The following KCNK18 variants were observed in gnomAD, a reference collection of about 807,000 sequenced individuals.
KCNK18 encodes the protein potassium two pore domain channel subfamily K member 18.
KCNK18 carries 8 observed loss-of-function variants against 11.8 expected under a neutral mutation model. The observed-to-expected ratio is 0.68, with a 90% CI of 0.40 to 1.22. The LOEUF is 1.22. Among genes scored for constraint, KCNK18 ranks in the 50% most tolerant of loss-of-function variants. The pLI is 0.01. For missense variants in KCNK18, 442 were observed against 465.4 expected, an observed-to-expected ratio of 0.95 and a Z score of 0.46; for synonymous variants, 208 against 185.8, an observed-to-expected ratio of 1.12 and a Z score of -0.97.
intron 1 of KCNK18, among the ~76,000 whole-genome samples, chr10:117,200,313 A>G (rs1854997976): frequency 1.3e-5 from 2 of 152,078 alleles, no homozygotes; most frequent in African/African-American, 2.4e-5. Context: ...CCTGACCTCA[A>G]ATGATCCGCC....
At chr10:117,208,039 G>A (rs1026013853) in intron 2 of KCNK18, among the ~76,000 whole-genome samples, 5 of 152,236 alleles carry the variant, frequency 3.3e-5, no homozygotes, top group East Asian at 1.9e-4. Flanking sequence ...AGGGGCTCCC[G>A]ACGGGGATGG....
chr10:117,203,961 T>TGATCC (rs1338847195), intron 2 of KCNK18, among the ~76,000 whole-genome samples: 1 of 152,212 alleles, frequency 6.6e-6, no homozygotes. Flanking sequence ...GATTATACGC[T>TGATCC]GATCCACCAT....
rs1361487811 is a variant in KCNK18, at chr10:117,201,318, T to C, written c.352+31T>C. On this transcript the variant is annotated intron_variant, in intron 2 of 2. Coordinates refer to ENST00000334549, the MANE Select transcript of KCNK18 (RefSeq NM_181840.1). ...TGCAAAGCCACAGTCCCCCTCACGG[T>C]GGCCCTGTGAAGGGTGGGTTTCTGG... 3.1e-6 allele frequency: 5 copies of C among 1,609,342 alleles called. No individual in the cohort carries two copies. In the African/African-American group the frequency reaches 5.3e-5, roughly 17 times the overall value.
intron 2 of KCNK18, among the ~76,000 whole-genome samples, chr10:117,202,285 A>T (rs968917908): frequency 1.3e-5 from 2 of 152,184 alleles, no homozygotes; most frequent in Non-Finnish European, 2.9e-5. Flanking sequence ...ACCCAAAAGC[A>T]CTTCTAGACC....
intron 2 of KCNK18, among the ~76,000 whole-genome samples, chr10:117,209,168 T>TG (rs1208188283): frequency 6.6e-6 from 1 of 152,166 alleles, no homozygotes; most frequent in African/African-American, 2.4e-5. Flanking sequence ...GCCCTTCCTT[T>TG]GGGGGGTGCT....
Position 117,209,768 on chromosome 10 carries a change from G to A in KCNK18, c.624G>A (p.Glu208=), listed in dbSNP as rs569759192. 4.3e-6 allele frequency: 7 copies of A among 1,614,138 alleles called. 1 individual carries two copies. In the South Asian group the frequency reaches 7.7e-5, roughly 18 times the overall value. Reference sequence around the variant, plus strand: ...CTCAGATCATCATCAGTGCTGAAGAGCTTCCAGGCCCCAAACTTGGCACAT... The same window carrying A: ...CTCAGATCATCATCAGTGCTGAAGAACTTCCAGGCCCCAAACTTGGCACAT... ...AVPQIIISAE[E]LPGPKLGTCP... The change falls in exon 3 of 3, where the codon GAG becomes GAA. Residue 208 remains glutamate, a synonymous_variant. Transcript: ENST00000334549.
At chr10:117,197,793 G>A (rs1292495175) in intron 1 of KCNK18, 82 bp downstream of exon 1, 2 of 1,276,420 alleles carry the variant, frequency 1.6e-6, no homozygotes, top group Admixed American at 1.9e-5. Context: ...CCTTCTAGGA[G>A]GCTGGGTCTG....
intron 1 of KCNK18, among the ~76,000 whole-genome samples, chr10:117,199,410 C>T (rs1403394385): frequency 2.6e-5 from 4 of 152,174 alleles, no homozygotes; most frequent in East Asian, 3.8e-4. Context: ...CATTTTGTAC[C>T]GATTTTCACT....
At chr10:117,205,809 G>C (rs144090843) in intron 2 of KCNK18, among the ~76,000 whole-genome samples, 155 of 152,290 alleles carry the variant, frequency 1.0e-3, no homozygotes, top group Non-Finnish European at 1.8e-3. Flanking sequence ...CAGCACTTTG[G>C]GGGGCTGAGG....
At position 117,209,900 on chromosome 10, in the gene KCNK18, G is replaced by T. The variant is rs779205235; in HGVS notation, c.756G>T (p.Ser252=). ...CACAAGCCATGGAGAGGAGTAACTC[G>T]TGTCCCGAACTGGTGTTGGGAAGAC... ...LPPQAMERSN[S]CPELVLGRLS... The change falls in exon 3 of 3, where the codon TCG becomes TCT. Residue 252 remains serine, a synonymous_variant. Coordinates refer to ENST00000334549, the MANE Select transcript of KCNK18 (RefSeq NM_181840.1). 6.2e-6 allele frequency: 10 copies of T among 1,614,152 alleles called. No individual in the cohort carries two copies. The highest frequency in any genetic ancestry group is 8.5e-6 in the Non-Finnish European group (10 of 1,180,016).
intron 2 of KCNK18, among the ~76,000 whole-genome samples, chr10:117,204,699 A>T (rs1189268050): frequency 6.6e-6 from 1 of 152,176 alleles, no homozygotes; most frequent in African/African-American, 2.4e-5. Context: ...AAAGTTCTCC[A>T]TGTGATTCTG....
intron 2 of KCNK18, among the ~76,000 whole-genome samples, chr10:117,205,599 G>T (rs960811688): frequency 2.0e-5 from 3 of 152,128 alleles, no homozygotes; most frequent in Non-Finnish European, 4.4e-5. Flanking sequence ...TGAGATTTCT[G>T]CCAGTCCCTA....
At chr10:117,202,625 T>C (rs1441601726) in intron 2 of KCNK18, among the ~76,000 whole-genome samples, 2 of 152,204 alleles carry the variant, frequency 1.3e-5, no homozygotes, top group Non-Finnish European at 2.9e-5. Context: ...GCCATGACGA[T>C]GTCTTCCCAG....
intron 2 of KCNK18, among the ~76,000 whole-genome samples, chr10:117,202,154 G>C (rs1297719038): frequency 2.0e-5 from 3 of 152,254 alleles, no homozygotes; most frequent in African/African-American, 7.2e-5. Context: ...GGCCCACAGG[G>C]GTTGCAGAGA....
intron 2 of KCNK18, among the ~76,000 whole-genome samples, chr10:117,205,444 G>T (rs1855064082): frequency 6.6e-6 from 1 of 152,134 alleles, no homozygotes; most frequent in Non-Finnish European, 1.5e-5. Flanking sequence ...TCACCCAGAG[G>T]CAGCCAAAAA....
chr10:117,201,056 A>G (rs2133702124), intron 1 of KCNK18, 103 bp from the exon 2 acceptor site: 1 of 1,414,910 alleles, frequency 7.1e-7, no homozygotes, highest in South Asian at 1.1e-5. Flanking sequence ...CACAAGGCAA[A>G]GGGGCTGCTG....
In KCNK18 at chr10:117,197,700, G is replaced by T; in HGVS notation, c.212G>T (p.Cys71Phe). ...FLEELCRILN[C>F]SETVVEDRKQ... ...GAGGAGCTCTGCAGAATCTTGAACT[G>T]CAGTGAAACAGGTAGGTGCCTCACC... Residue 71 changes from cysteine to phenylalanine, a missense_variant, in exon 1 of 3, where the codon TGC becomes TTC. Coordinates refer to ENST00000334549, the MANE Select transcript of KCNK18 (RefSeq NM_181840.1). 3 of 1,614,092 alleles carry T rather than the reference G, an allele frequency of 1.9e-6. No homozygotes were observed. The highest frequency in any genetic ancestry group is 2.5e-6 in the Non-Finnish European group (3 of 1,179,984).
chr10:117,203,064 C>T (rs1039866919), intron 2 of KCNK18, among the ~76,000 whole-genome samples: 3 of 151,716 alleles, frequency 2.0e-5, no homozygotes, highest in African/African-American at 4.8e-5. Flanking sequence ...TTACTAGAGA[C>T]GGGGGTTTCA....
intron 1 of KCNK18, 53 bp from the exon 2 acceptor site, chr10:117,201,106 T>C: frequency 1.2e-6 from 2 of 1,611,124 alleles, no homozygotes; most frequent in Non-Finnish European, 1.7e-6. Flanking sequence ...GGGCGGGGCT[T>C]GTCTTTACCA....
Sources: gnomAD v4.1 joint callset for allele counts (sites outside exome capture counted in the v4.1 genomes callset) on GRCh38, gnomAD v4.1.1 for gene constraint, MANE v1.5 for transcripts, NCBI Gene and HGNC (gene_info 2026-07-23, HGNC 2026-07-21) for gene names.